Variants in PCDH7 observed in about 807,000 individuals in gnomAD.
PCDH7 encodes protocadherin-7.
In PCDH7, 17 loss-of-function variants were observed where a neutral mutation model predicts 58.9. The ratio of observed to expected loss-of-function variants is 0.29; its 90% CI spans 0.20 to 0.43. PCDH7 has a LOEUF of 0.43. PCDH7 is among the 20% of genes least tolerant of loss of function. The pLI, the probability that PCDH7 is intolerant of heterozygous loss-of-function variation, is 1.00. For synonymous variants in PCDH7, 664 were observed against 616.4 expected, an observed-to-expected ratio of 1.08 and a Z score of -1.14; for missense variants, 1,274 against 1,441.0, an observed-to-expected ratio of 0.88 and a Z score of 1.88.
At chr4:30,824,263 C>T (rs1476534997) in intron 1 of PCDH7, among the ~76,000 whole-genome samples, 1 of 151,700 alleles carries the variant, frequency 6.6e-6, no homozygotes, top group Non-Finnish European at 1.5e-5. Context: ...GTAGTCATTG[C>T]CCACCAAGTG....
chr4:30,873,541 G>T (rs1735892318), intron 1 of PCDH7, among the ~76,000 whole-genome samples: 2 of 127,054 alleles, frequency 1.6e-5, no homozygotes, highest in Non-Finnish European at 3.5e-5. Flanking sequence ...ATTTTGCAGA[G>T]AATTACAATG....
intron 1 of PCDH7, among the ~76,000 whole-genome samples, chr4:30,847,496 A>T (rs1262606128): frequency 6.6e-6 from 1 of 152,182 alleles, no homozygotes; most frequent in Non-Finnish European, 1.5e-5. Flanking sequence ...ACTTGCCAAA[A>T]TGTTTGTTTG....
intron 3 of PCDH7, among the ~76,000 whole-genome samples, chr4:31,011,838 T>C (rs1016053590): frequency 2.0e-5 from 3 of 152,060 alleles, no homozygotes; most frequent in Non-Finnish European, 4.4e-5. Context: ...TTTTCTTTTT[T>C]TAATACAGCA....
At chr4:31,140,997 C>T (rs1246159600) in intron 3 of PCDH7, among the ~76,000 whole-genome samples, 2 of 152,142 alleles carry the variant, frequency 1.3e-5, no homozygotes. Flanking sequence ...TCCCAGGACG[C>T]TGTTTCAATA....
In PCDH7 at chr4:30,723,052, T is replaced by A. The variant is rs1277005695; in HGVS notation, c.1630T>A (p.Phe544Ile). ...CGGCCAGTCGGTGGTGGAGGTTTAC[T>A]TCCCTGAGAACAACATCCCGGGCGA... is the stretch of plus-strand genomic sequence containing the variant. The change falls in exon 1 of 2, where the codon TTC becomes ATC. Residue 544 changes from phenylalanine to isoleucine, a missense_variant. By Grantham distance (21) the Phe-to-Ile change is conservative. This residue lies in a region of PCDH7 where 731 missense variants were observed against 881.9 expected (regional missense o/e 0.83). Transcript: ENST00000361762. The surrounding 1 kb of genome is among the most constrained non-coding windows in gnomAD (Gnocchi z 4.6). 1 of 1,613,882 alleles carries A rather than the reference T, an allele frequency of 6.2e-7. No homozygotes were observed. The highest frequency in any genetic ancestry group is 8.5e-7 in the Non-Finnish European group (1 of 1,180,020).
chr4:30,896,139 T>A (rs1739367202), intron 1 of PCDH7, among the ~76,000 whole-genome samples: 1 of 152,220 alleles, frequency 6.6e-6, no homozygotes, highest in African/African-American at 2.4e-5. Flanking sequence ...TTTCACTTTC[T>A]AATGAACAAC....
chr4:31,047,377 A>AGG (rs944009268), intron 3 of PCDH7, among the ~76,000 whole-genome samples: 2 of 152,022 alleles, frequency 1.3e-5, no homozygotes, highest in South Asian at 4.1e-4. Flanking sequence ...TCATCATTTC[A>AGG]TCTTTTTTGT....
At chr4:31,095,127 T>C (rs1713794109) in intron 3 of PCDH7, among the ~76,000 whole-genome samples, 1 of 152,158 alleles carries the variant, frequency 6.6e-6, no homozygotes, top group Non-Finnish European at 1.5e-5. Context: ...ATTTTTTTTT[T>C]TATGGCTAAA....
rs1578435825 is a variant in PCDH7, at chr4:30,966,045, T to G, written c.*7+15830T>G. Among the ~76,000 whole-genome samples, 5 of 152,320 alleles carry G rather than the reference T, an allele frequency of 3.3e-5. No homozygotes were observed. In the East Asian group the frequency reaches 9.6e-4, roughly 29 times the overall value. ...GTAGATAACCTGGCCTTGTTAAACATGCTATGCTGTTTCTGACCATCAACA... is the reference window on the plus strand; with the variant it reads ...GTAGATAACCTGGCCTTGTTAAACAGGCTATGCTGTTTCTGACCATCAACA... On this transcript the variant is annotated intron_variant, in intron 3 of 3. Transcript: ENST00000509759.
chr4:30,841,067 G>T (rs569745436), intron 1 of PCDH7, among the ~76,000 whole-genome samples: 5 of 152,016 alleles, frequency 3.3e-5, no homozygotes, highest in Admixed American at 1.3e-4. Context: ...AACTGATCTT[G>T]ATATATATAT....
chr4:31,097,514 A>G (rs892011601), intron 3 of PCDH7, among the ~76,000 whole-genome samples: 3 of 117,570 alleles, frequency 2.6e-5, no homozygotes, highest in Non-Finnish European at 3.5e-5. Flanking sequence ...GAAAGAGAGA[A>G]AGAAAGAAGA....
chr4:30,924,218 T>G (rs1024444387), intron 2 of PCDH7, among the ~76,000 whole-genome samples: 1 of 152,200 alleles, frequency 6.6e-6, no homozygotes, highest in Non-Finnish European at 1.5e-5. Flanking sequence ...GCTATGTAAG[T>G]CTTTATGATA....
At chr4:31,029,003 T>C (rs1754673440) in intron 3 of PCDH7, among the ~76,000 whole-genome samples, 1 of 152,234 alleles carries the variant, frequency 6.6e-6, no homozygotes, top group Non-Finnish European at 1.5e-5. Context: ...AAATGTAGTT[T>C]TGGCAAAGGT....
chr4:30,920,329 G>C (rs758303214), exon 2 of PCDH7: 1 of 1,367,366 alleles, frequency 7.3e-7, no homozygotes, highest in South Asian at 1.1e-5. Flanking sequence ...AAAGGACCAC[G>C]CCGGATGGCA....
intron 3 of PCDH7, among the ~76,000 whole-genome samples, chr4:30,958,194 G>A (rs1352737143): frequency 6.6e-6 from 1 of 152,056 alleles, no homozygotes; most frequent in South Asian, 2.1e-4. Flanking sequence ...TAGTTTGCTG[G>A]TGGAATGGAA....
At chr4:30,750,792 T>C (rs1718412169) in intron 1 of PCDH7, among the ~76,000 whole-genome samples, 1 of 151,990 alleles carries the variant, frequency 6.6e-6, no homozygotes, top group East Asian at 1.9e-4. Context: ...CGAAGCAGCT[T>C]TAAGTGTAAC....
At chr4:30,729,399 G>A (rs183322147) in intron 1 of PCDH7, among the ~76,000 whole-genome samples, 1 of 151,714 alleles carries the variant, frequency 6.6e-6, no homozygotes, top group African/African-American at 2.4e-5. Flanking sequence ...AAAATTATCT[G>A]GGAAAATATA....
chr4:30,996,158 C>T (rs1045114009), intron 3 of PCDH7, among the ~76,000 whole-genome samples: 1 of 152,162 alleles, frequency 6.6e-6, no homozygotes, highest in Non-Finnish European at 1.5e-5. Flanking sequence ...TTTCTTTAGA[C>T]TTTTTCCTTT....
intron 3 of PCDH7, among the ~76,000 whole-genome samples, chr4:31,119,887 T>C (rs921152826): frequency 6.6e-6 from 1 of 151,948 alleles, no homozygotes; most frequent in Non-Finnish European, 1.5e-5. Context: ...AGTGCGTGTG[T>C]GTGGGCCCAC....
Sources: gnomAD v4.1 joint callset for allele counts (sites outside exome capture counted in the v4.1 genomes callset) on GRCh38, gnomAD v4.1.1 for gene constraint, gnomAD v4.1.1 regional missense constraint, Gnocchi (gnomAD v3.1) non-coding constraint, MANE v1.5 for transcripts, NCBI Gene and HGNC (gene_info 2026-07-23, HGNC 2026-07-21) for gene names.